The following TENM3 variants were observed in gnomAD, a reference collection of about 807,000 sequenced individuals.
The protein encoded by TENM3 is teneurin-3.
Under a neutral mutation model 255.1 loss-of-function variants are expected in TENM3, and 63 were observed. The observed-to-expected ratio is 0.25, with a 90% CI of 0.20 to 0.30. TENM3 has a LOEUF of 0.30. Ranked by LOEUF, TENM3 falls within the 10% of genes least tolerant of loss-of-function variation. TENM3 has a pLI of 1.00. For synonymous variants in TENM3, 1,306 were observed against 1,322.3 expected (o/e 0.99, Z 0.27); for missense variants, 2,929 against 3,461.1 (o/e 0.85, Z 3.86).
At chr4:182,364,988 G>A (rs1441869146) in intron 3 of TENM3, among the ~76,000 whole-genome samples, 3 of 152,100 alleles carry the variant, frequency 2.0e-5, no homozygotes, top group Non-Finnish European at 4.4e-5. Context: ...GATACACTCT[G>A]TCAAAAGTGT....
upstream of TENM3, among the ~76,000 whole-genome samples, chr4:182,140,871 AC>A (rs1749352031): frequency 6.6e-6 from 1 of 151,952 alleles, no homozygotes; most frequent in Non-Finnish European, 1.5e-5. Context: ...CTGAGACTTG[AC>A]CCGCGGGGAG....
the TENM3 span, among the ~76,000 whole-genome samples, chr4:181,544,442 A>G: frequency 6.8e-6 from 1 of 147,048 alleles, no homozygotes; most frequent in Non-Finnish European, 1.5e-5. Flanking sequence ...AAAAACTATA[A>G]CTCGTATGGA....
chr4:181,616,981 G>A, the TENM3 span, among the ~76,000 whole-genome samples: 84 of 152,176 alleles, frequency 5.5e-4, 1 homozygote, highest in African/African-American at 1.9e-3. Flanking sequence ...TTCCAGTCAG[G>A]TAGACACCTT....
intron 12 of TENM3, among the ~76,000 whole-genome samples, chr4:182,689,375 G>A (rs118026558): frequency 6.6e-6 from 1 of 152,244 alleles, no homozygotes; most frequent in East Asian, 1.9e-4. Context: ...CGGGAACTTT[G>A]TCATGGGAAA....
At chr4:181,669,358 A>G in the TENM3 span, among the ~76,000 whole-genome samples, 1 of 152,146 alleles carries the variant, frequency 6.6e-6, no homozygotes, top group African/African-American at 2.4e-5. Context: ...CTCCTACACA[A>G]CTAAGGATTT....
At chr4:181,700,066 C>A in the TENM3 span, among the ~76,000 whole-genome samples, 2 of 152,290 alleles carry the variant, frequency 1.3e-5, no homozygotes, top group African/African-American at 4.8e-5. Flanking sequence ...CCATCATTCA[C>A]ATTCAGAATC....
chr4:182,269,388 T>G (rs1163609164), intron 1 of TENM3, among the ~76,000 whole-genome samples: 1 of 152,216 alleles, frequency 6.6e-6, no homozygotes, highest in Admixed American at 6.5e-5. Context: ...AAAATATAGA[T>G]GTGAGAGTAC....
At chr4:181,468,791 AT>A in the TENM3 span, among the ~76,000 whole-genome samples, 1 of 152,112 alleles carries the variant, frequency 6.6e-6, no homozygotes, top group African/African-American at 2.4e-5. Context: ...TTTTGCTAGC[AT>A]TTTGCCTTTG....
chr4:182,523,763 A>T (rs1291084672), intron 3 of TENM3, among the ~76,000 whole-genome samples: 3 of 152,180 alleles, frequency 2.0e-5, no homozygotes, highest in African/African-American at 7.2e-5. Context: ...CACTTACAGC[A>T]TACCTGGATT....
At chr4:182,079,771 GC>G in the TENM3 span, 10 of 152,368 alleles carry the variant, frequency 6.6e-5, no homozygotes, top group Non-Finnish European at 1.3e-4. Context: ...AGCACGTGCT[GC>G]CCAGGTGGGA....
intron 13 of TENM3, among the ~76,000 whole-genome samples, chr4:182,715,036 C>T (rs1050592683): frequency 6.6e-6 from 1 of 152,174 alleles, no homozygotes; most frequent in African/African-American, 2.4e-5. Context: ...AGGCATGTGC[C>T]ACCACACCTG....
the TENM3 span, among the ~76,000 whole-genome samples, chr4:181,765,536 A>G: frequency 4.6e-5 from 7 of 152,236 alleles, no homozygotes; most frequent in African/African-American, 2.4e-5. Context: ...ATAGAAAAAC[A>G]TAACATAAGA....
chr4:182,305,649 G>C (rs888280844), intron 1 of TENM3, among the ~76,000 whole-genome samples: 2 of 152,162 alleles, frequency 1.3e-5, no homozygotes, highest in Admixed American at 6.5e-5. Context: ...TCTCTTTCCC[G>C]GTTACACGCC....
At chr4:181,681,397 C>T in the TENM3 span, among the ~76,000 whole-genome samples, 1 of 152,082 alleles carries the variant, frequency 6.6e-6, no homozygotes, top group African/African-American at 2.4e-5. Flanking sequence ...CTGTTTCTCC[C>T]CCCTGTTCTG....
At chr4:182,165,900 C>T (rs533000688) in intron 1 of TENM3, among the ~76,000 whole-genome samples, 2 of 152,186 alleles carry the variant, frequency 1.3e-5, no homozygotes, top group Admixed American at 6.5e-5. Flanking sequence ...CTCAGCTTCT[C>T]GACGAGTAGC....
At chr4:182,410,586 A>C (rs1200038903) in intron 3 of TENM3, among the ~76,000 whole-genome samples, 1 of 152,230 alleles carries the variant, frequency 6.6e-6, no homozygotes, top group Non-Finnish European at 1.5e-5. Flanking sequence ...GTTACACCAC[A>C]TTGCTGTAAT....
At chr4:181,926,721 C>A in the TENM3 span, among the ~76,000 whole-genome samples, 2 of 152,006 alleles carry the variant, frequency 1.3e-5, no homozygotes, top group African/African-American at 4.8e-5. Context: ...GTGTGGCTGG[C>A]AAAATGGCCA....
At chr4:182,270,824 A>T (rs1479047749) in intron 1 of TENM3, among the ~76,000 whole-genome samples, 1 of 152,072 alleles carries the variant, frequency 6.6e-6, no homozygotes, top group Non-Finnish European at 1.5e-5. Flanking sequence ...AATATTCTTA[A>T]TTTTTTAATA....
chr4:181,994,797 A>G, the TENM3 span, among the ~76,000 whole-genome samples: 1 of 151,870 alleles, frequency 6.6e-6, no homozygotes, highest in Admixed American at 6.6e-5. Context: ...CTAACGAAAA[A>G]CAGAGTAAAT....
Sources: gnomAD v4.1 joint callset for allele counts (sites outside exome capture counted in the v4.1 genomes callset) on GRCh38, gnomAD v4.1.1 for gene constraint, MANE v1.5 for transcripts, NCBI Gene and HGNC (gene_info 2026-07-23, HGNC 2026-07-21) for gene names.